The following ARPC1A variants were observed in gnomAD, a reference collection of about 807,000 sequenced individuals.
ARPC1A encodes actin related protein 2/3 complex subunit 1A.
Under a neutral mutation model 46.9 loss-of-function variants are expected in ARPC1A, and 8 were observed. The ratio of observed to expected loss-of-function variants is 0.17; its 90% CI spans 0.10 to 0.31. The LOEUF (loss-of-function observed/expected upper bound fraction) is 0.31, where lower values mean the gene tolerates loss of function less well. Among genes scored for constraint, ARPC1A ranks in the 10% least tolerant of loss-of-function variants. The pLI is 1.00. For synonymous variants in ARPC1A, 152 were observed against 169.0 expected (o/e 0.90, Z 0.78); for missense variants, 286 against 483.6 (o/e 0.59, Z 3.83).
At chr7:99,354,534 A>C (rs915563614) in intron 6 of ARPC1A, among the ~76,000 whole-genome samples, 4 of 151,468 alleles carry the variant, frequency 2.6e-5, no homozygotes, top group African/African-American at 9.7e-5. Context: ...AAAAAAAAAA[A>C]AAAAAAAACA....
intron 9 of ARPC1A, among the ~76,000 whole-genome samples, chr7:99,364,554 G>A (rs1323233179): frequency 1.3e-5 from 2 of 152,042 alleles, no homozygotes; most frequent in African/African-American, 4.8e-5. Flanking sequence ...TTACAGGCGT[G>A]AGCCACTGCG....
chr7:99,333,877 C>G (rs1793191132), intron 2 of ARPC1A, among the ~76,000 whole-genome samples: 2 of 152,052 alleles, frequency 1.3e-5, no homozygotes, highest in African/African-American at 4.8e-5. Flanking sequence ...TGGCTCCTGC[C>G]TGTAATCCCA....
chr7:99,328,427 G>A (rs1212750553), intron 1 of ARPC1A, among the ~76,000 whole-genome samples: 2 of 152,316 alleles, frequency 1.3e-5, no homozygotes, highest in East Asian at 3.9e-4. Flanking sequence ...ATGTATTTCA[G>A]GCTAGGCTCT....
intron 3 of ARPC1A, among the ~76,000 whole-genome samples, chr7:99,343,140 G>A (rs1240395544): frequency 6.6e-6 from 1 of 151,924 alleles, no homozygotes; most frequent in Non-Finnish European, 1.5e-5. Flanking sequence ...TAATATTTCT[G>A]TACTTTTTAA....
At chr7:99,358,647 T>A in intron 7 of ARPC1A, 2 of 464,606 alleles carry the variant, frequency 4.3e-6, no homozygotes, top group Non-Finnish European at 7.7e-6. Context: ...TTCAAGCGAT[T>A]CTCCCGCCTC....
intron 7 of ARPC1A, chr7:99,358,632 C>A: frequency 2.0e-6 from 1 of 488,462 alleles, no homozygotes; most frequent in South Asian, 2.4e-5. Context: ...CCTCTGCCTC[C>A]CGGGTTCAAG....
intron 1 of ARPC1A, among the ~76,000 whole-genome samples, chr7:99,332,477 T>C (rs1584374191): frequency 1.3e-5 from 2 of 152,306 alleles, no homozygotes; most frequent in East Asian, 3.9e-4. Flanking sequence ...GGGATGATAA[T>C]TTGAGACTAG....
chr7:99,358,391 C>G lies in ARPC1A; in HGVS notation c.765C>G (p.Val255=). The change falls in exon 7 of 10, where the codon GTC becomes GTG. Residue 255 remains valine (V), a synonymous_variant. Transcript: ENST00000262942. ...TGCCGCTCCTAAGTGTGTCATTTGT[C>G]TCAGAGAACAGCGTCGTGGCTGCTG... The part of the protein sequence containing the change: ...EFLPLLSVSF[V]SENSVVAAGH... 1 of 1,614,124 alleles carries G rather than the reference C, an allele frequency of 6.2e-7. No homozygotes were observed. Among genetic ancestry groups the G allele is most frequent in the Non-Finnish European group, 8.5e-7 (1 of 1,180,008 alleles).
intron 3 of ARPC1A, among the ~76,000 whole-genome samples, chr7:99,341,080 G>A (rs554307345): frequency 2.6e-5 from 4 of 152,156 alleles, no homozygotes; most frequent in East Asian, 3.9e-4. Flanking sequence ...AGGCTGAGGC[G>A]GGTGGATCAC....
Position 99,362,330 on chromosome 7 carries a change from G to GCC in ARPC1A, c.984-1208_984-1207dup, listed in dbSNP as rs145306692. Among the ~76,000 whole-genome samples, 423 of 110,392 alleles carry GCC rather than the reference G, an allele frequency of 3.8e-3. 4 individuals are homozygous for GCC. The highest frequency in any genetic ancestry group is 0.01 in the East Asian group (32 of 3,050). The allele number at this position is 110,392 out of a possible 152,430, so 72.4% of individuals were successfully genotyped here. Reference sequence around the variant, plus strand: ...AAATAAAATAAAAATGTAAAACCCCGCCCCCCTTTTTTTTTTTTTTTTTGA... The same window carrying GCC: ...AAATAAAATAAAAATGTAAAACCCCGCCCCCCCCTTTTTTTTTTTTTTTTTGA... On this transcript the variant is annotated intron_variant, in intron 8 of 9. Coordinates refer to ENST00000262942, the MANE Select transcript of ARPC1A (RefSeq NM_006409.4).
chr7:99,352,111 C>G (rs1005653505), intron 5 of ARPC1A, among the ~76,000 whole-genome samples: 3 of 152,134 alleles, frequency 2.0e-5, no homozygotes, highest in Admixed American at 2.0e-4. Flanking sequence ...TAGTTTGTTG[C>G]AGGGTGGCAA....
intron 8 of ARPC1A, 79 bp from the exon 9 acceptor site, chr7:99,363,464 C>G: frequency 1.0e-6 from 1 of 1,001,402 alleles, no homozygotes; most frequent in Non-Finnish European, 1.6e-6. Context: ...CTTAAGCTGC[C>G]CTTACACTAT....
intron 4 of ARPC1A, among the ~76,000 whole-genome samples, chr7:99,346,134 T>A (rs962812146): frequency 2.0e-5 from 3 of 151,506 alleles, no homozygotes; most frequent in Admixed American, 6.6e-5. Flanking sequence ...GAGAATCTCT[T>A]GAACCCAGTA....
chr7:99,361,611 T>C (rs1383764706), intron 8 of ARPC1A, among the ~76,000 whole-genome samples: 1 of 152,214 alleles, frequency 6.6e-6, no homozygotes, highest in African/African-American at 2.4e-5. Flanking sequence ...TCTTGTGAGT[T>C]TCTCTTACGT....
chr7:99,341,728 A>C (rs1007295162), intron 3 of ARPC1A, among the ~76,000 whole-genome samples: 1 of 152,042 alleles, frequency 6.6e-6, no homozygotes, highest in East Asian at 1.9e-4. Context: ...ATATTTAGTT[A>C]TGTGTTTTTT....
At chr7:99,355,976 G>C (rs1182890467) in intron 6 of ARPC1A, among the ~76,000 whole-genome samples, 1 of 152,168 alleles carries the variant, frequency 6.6e-6, no homozygotes, top group Non-Finnish European at 1.5e-5. Context: ...TGGCGTGTCT[G>C]TTCAGCCATA....
intron 2 of ARPC1A, among the ~76,000 whole-genome samples, chr7:99,337,792 A>G (rs1793281754): frequency 6.6e-6 from 1 of 152,192 alleles, no homozygotes. Context: ...CAGTGTTTCA[A>G]AAAGACAAAC....
intron 2 of ARPC1A, 22 bp from the exon 3 acceptor site, chr7:99,338,159 G>A (rs1028066885): frequency 3.5e-5 from 55 of 1,554,300 alleles, no homozygotes; most frequent in Non-Finnish European, 4.8e-5. Flanking sequence ...GGTGTTAACT[G>A]TTGTTTGACT....
rs745977698 is a variant in ARPC1A at position 99,365,951 on chromosome 7, C to T, written c.*22C>T. 3 of 1,564,968 alleles carry T rather than the reference C, an allele frequency of 1.9e-6. No individual in the cohort carries two copies. Among genetic ancestry groups the T allele is most frequent in the South Asian group, 1.2e-5 (1 of 85,320 alleles). ...GTGAAGCTGAGTGAGCCTCCGCCAT[C>T]CAGCATGACAAACTGTGGCCGACCG... is the stretch of plus-strand genomic sequence containing the variant. On this transcript the variant is annotated 3_prime_UTR_variant, in exon 10 of 10. Coordinates refer to ENST00000262942, the MANE Select transcript of ARPC1A (RefSeq NM_006409.4).
Sources: gnomAD v4.1 joint callset for allele counts (sites outside exome capture counted in the v4.1 genomes callset) on GRCh38, gnomAD v4.1.1 for gene constraint, MANE v1.5 for transcripts, NCBI Gene and HGNC (gene_info 2026-07-23, HGNC 2026-07-21) for gene names.